SLC30A7: variants seen among roughly 807,000 people sequenced by gnomAD.
SLC30A7 encodes solute carrier family 30 member 7, also known as zinc transporter 7.
In SLC30A7, 35 loss-of-function variants were observed where a neutral mutation model predicts 46.0. The ratio of observed to expected loss-of-function variants is 0.76; its 90% CI spans 0.58 to 1.01. The LOEUF is 1.01. Among genes scored for constraint, SLC30A7 ranks in the 50% least tolerant of loss-of-function variants. The pLI is 0.00. For missense variants in SLC30A7, 464 were observed against 451.1 expected, an observed-to-expected ratio of 1.03 and a Z score of -0.26; for synonymous variants, 147 against 157.8, an observed-to-expected ratio of 0.93 and a Z score of 0.51.
intron 2 of SLC30A7, among the ~76,000 whole-genome samples, chr1:100,903,228 A>T (rs975016416): frequency 6.6e-6 from 1 of 152,118 alleles, no homozygotes; most frequent in Non-Finnish European, 1.5e-5. Context: ...GTAGAAAGAC[A>T]GTTTTCTGAA....
intron 4 of SLC30A7, among the ~76,000 whole-genome samples, chr1:100,911,660 C>T (rs1652104809): frequency 6.6e-6 from 1 of 152,138 alleles, no homozygotes; most frequent in South Asian, 2.1e-4. Flanking sequence ...AGCGATTCTC[C>T]TTCCTCAGCC....
chr1:100,923,117 C>A (rs865838321), intron 8 of SLC30A7, among the ~76,000 whole-genome samples: 1 of 112,732 alleles, frequency 8.9e-6, no homozygotes, highest in Non-Finnish European at 1.9e-5. Flanking sequence ...CTGGGGTTCA[C>A]GCCATTCTCC....
intron 9 of SLC30A7, among the ~76,000 whole-genome samples, chr1:100,963,690 A>G (rs905616896): frequency 1.3e-5 from 2 of 151,528 alleles, no homozygotes; most frequent in Non-Finnish European, 3.0e-5. Context: ...TGCACTGTCC[A>G]ATATGGAAGC....
intron 7 of SLC30A7, 137 bp downstream of exon 7, chr1:100,918,264 T>C (rs1370788328): frequency 3.2e-6 from 2 of 629,746 alleles, no homozygotes; most frequent in Non-Finnish European, 2.8e-6. Context: ...TTCTAGTGAT[T>C]GTTTTTTATA....
chr1:100,912,193 A>G lies in SLC30A7; in HGVS notation c.466A>G (p.Ile156Val). 6.2e-7 allele frequency: 1 copy of G among 1,614,034 alleles called. No individual in the cohort carries two copies. The highest frequency in any genetic ancestry group is 8.5e-7 in the Non-Finnish European group (1 of 1,179,888). Reference protein sequence around the residue: ...ILGFVVNLIGIFVFKHGGHGH... With the variant: ...ILGFVVNLIGVFVFKHGGHGH... ...TGGGTTTGTGGTAAACCTAATAGGAATATTTGTTTTCAAACATGGAGGTCA... is the reference window on the plus strand; with the variant it reads ...TGGGTTTGTGGTAAACCTAATAGGAGTATTTGTTTTCAAACATGGAGGTCA... The change falls in exon 5 of 11, where the codon ATA becomes GTA. Residue 156 changes from isoleucine to valine, a missense_variant. By Grantham distance (29) the Ile-to-Val change is conservative (BLOSUM62 3). Coordinates refer to ENST00000357650, the MANE Select transcript of SLC30A7 (RefSeq NM_133496.5).
chr1:100,960,316 G>A (rs896663223), intron 8 of SLC30A7, among the ~76,000 whole-genome samples: 1 of 152,126 alleles, frequency 6.6e-6, no homozygotes, highest in African/African-American at 2.4e-5. Flanking sequence ...TGCACTTAAA[G>A]TATGAAAACA....
At chr1:100,927,683 GT>G (rs1653396821) in intron 8 of SLC30A7, among the ~76,000 whole-genome samples, 2 of 152,292 alleles carry the variant, frequency 1.3e-5, no homozygotes, top group South Asian at 4.1e-4. Flanking sequence ...TAGACAGAGA[GT>G]TAGATTTAAC....
chr1:100,928,536 A>G (rs1038730256), intron 8 of SLC30A7, among the ~76,000 whole-genome samples: 4 of 152,130 alleles, frequency 2.6e-5, no homozygotes, highest in African/African-American at 9.7e-5. Flanking sequence ...AATTACCATA[A>G]GAGACCCATG....
intron 2 of SLC30A7, among the ~76,000 whole-genome samples, chr1:100,901,574 C>T (rs760022165): frequency 1.8e-4 from 28 of 152,130 alleles, no homozygotes; most frequent in Non-Finnish European, 3.2e-4. Context: ...CCTGCCTCAG[C>T]CTCCCAAGTA....
chr1:100,974,976 AGTAGACGGG>A lies in SLC30A7; in HGVS notation c.*125_*133del. The A allele has an allele frequency of 1.4e-6, 1 of 723,074 alleles. No homozygotes were observed. Among genetic ancestry groups the A allele is most frequent in the East Asian group, 2.8e-5 (1 of 35,192 alleles). 44.8% of individuals were successfully genotyped at this position (723,074 alleles called of 1,614,324 possible). A position where few individuals can be genotyped will look rare whatever the true frequency, so the allele number is the denominator to read the frequency against. On this transcript the variant is annotated 3_prime_UTR_variant, in exon 11 of 11. Transcript: ENST00000357650. ...TTATCACTACAACTCCCGAGCACTA[AGTAGACGGG>A]GTAGAGTCAGCCGTTCATGCTTTGT...
At chr1:100,916,783 T>C (rs983836796) in intron 6 of SLC30A7, among the ~76,000 whole-genome samples, 1 of 147,368 alleles carries the variant, frequency 6.8e-6, no homozygotes. Context: ...CAGCCTCTGG[T>C]AACCATCCTT....
chr1:100,980,270 G>A lies in SLC30A7; in HGVS notation c.*5413G>A, dbSNP rs1369707630. The A allele has an allele frequency of 6.6e-6, 1 of 151,972 alleles. No individual in the cohort carries two copies. Among genetic ancestry groups the A allele is most frequent in the African/African-American group, 2.4e-5 (1 of 41,414 alleles). The allele number at this position is 151,972 out of a possible 1,614,324, so 9.4% of individuals were successfully genotyped here. On this transcript the variant is annotated 3_prime_UTR_variant, in exon 11 of 11. Coordinates refer to ENST00000357650, the MANE Select transcript of SLC30A7 (RefSeq NM_133496.5). ...AAAGTACAAGTAATTTTGCACTGCA[G>A]GAGAAGGATAAGTAGATTTGATTTA...
chr1:100,986,301 C>T (rs1558024469), downstream of SLC30A7, among the ~76,000 whole-genome samples: 3 of 151,616 alleles, frequency 2.0e-5, no homozygotes, highest in Non-Finnish European at 4.4e-5. Flanking sequence ...CCCAGCTACT[C>T]GGGAGGCTGA....
Position 100,921,717 on chromosome 1 carries a change from C to T in SLC30A7, c.718C>T (p.His240Tyr). The change falls in exon 8 of 11, where the codon CAT becomes TAT. Residue 240 changes from histidine (H) to tyrosine (Y), a missense_variant. Physicochemically the swap from His to Tyr is moderately conservative, Grantham distance 83. Transcript: ENST00000357650. ...TGGTTTATTTCTAGGTGTATTTTTA[C>T]ATATCCTAGCAGATACACTTGGAAG... Reference protein sequence around the residue: ...SRQILQGVFLHILADTLGSIG... With the variant: ...SRQILQGVFLYILADTLGSIG... 1 of 1,608,968 alleles carries T rather than the reference C, an allele frequency of 6.2e-7. No individual in the cohort carries two copies. Among genetic ancestry groups the T allele is most frequent in the Non-Finnish European group, 8.5e-7 (1 of 1,177,284 alleles).
At chr1:100,941,492 T>C (rs1654346201) in intron 8 of SLC30A7, 3 of 497,790 alleles carry the variant, frequency 6.0e-6, no homozygotes, top group Admixed American at 4.6e-5. Context: ...GACAGTCTTA[T>C]CCACAGTCAT....
chr1:100,964,364 ATG>A (rs1401896275), intron 9 of SLC30A7, among the ~76,000 whole-genome samples: 7 of 126,166 alleles, frequency 5.5e-5, no homozygotes, highest in African/African-American at 2.3e-4. Flanking sequence ...ACATATGTAT[ATG>A]TATATATAAC....
rs1336253483 is a variant in SLC30A7, at chr1:100,978,827, C to T, written c.*3970C>T. 3 of 152,012 alleles carry T rather than the reference C, an allele frequency of 2.0e-5. No homozygotes were observed. Among genetic ancestry groups the T allele is most frequent in the African/African-American group, 7.3e-5 (3 of 41,362 alleles). 9.4% of individuals were successfully genotyped at this position (152,012 alleles called of 1,614,324 possible). ...GATGCAATTAATTTTAACTTTTTTA[C>T]TCTTATAAAACCAGTTCCTGACATT... On this transcript the variant is annotated 3_prime_UTR_variant, in exon 11 of 11. Coordinates refer to ENST00000357650, the MANE Select transcript of SLC30A7 (RefSeq NM_133496.5).
chr1:100,931,935 T>C (rs1653686679), intron 8 of SLC30A7, among the ~76,000 whole-genome samples: 1 of 152,242 alleles, frequency 6.6e-6, no homozygotes, highest in African/African-American at 2.4e-5. Flanking sequence ...GAGTGTGCTA[T>C]TTCTGCTTTT....
chr1:100,988,294 G>A, the SLC30A7 span, among the ~76,000 whole-genome samples: 1 of 152,238 alleles, frequency 6.6e-6, no homozygotes, highest in Admixed American at 6.5e-5. Flanking sequence ...CACAGTCTGG[G>A]AAAGACCGAA....
Sources: allele counts gnomAD v4.1 joint callset (sites outside exome capture counted in the v4.1 genomes callset), GRCh38; gene constraint gnomAD v4.1.1; transcripts MANE v1.5; gene names NCBI Gene and HGNC (gene_info 2026-07-23, HGNC 2026-07-21).